SLC36A1: variants seen among roughly 807,000 people sequenced by gnomAD.
The protein encoded by SLC36A1 is solute carrier family 36 member 1.
SLC36A1 carries 30 observed loss-of-function variants against 47.5 expected under a neutral mutation model. The observed-to-expected ratio is 0.63, with a 90% CI of 0.47 to 0.86. The LOEUF is 0.86. SLC36A1 is among the 40% of genes least tolerant of loss of function. The probability of loss-of-function intolerance (pLI) is 0.00; values close to 1 mark genes in which losing one functional copy is unlikely to be tolerated. For missense variants in SLC36A1, 517 were observed against 606.0 expected, an observed-to-expected ratio of 0.85 and a Z score of 1.54; for synonymous variants, 255 against 249.7, an observed-to-expected ratio of 1.02 and a Z score of -0.20.
chr5:151,545,561 C>A, the SLC36A1 span: 4 of 1,613,964 alleles, frequency 2.5e-6, no homozygotes, highest in East Asian at 6.7e-5. Flanking sequence ...ATGACTTGGG[C>A]AGGTCTGGGT....
chr5:151,383,612 G>A, the SLC36A1 span, among the ~76,000 whole-genome samples: 37 of 132,200 alleles, frequency 2.8e-4, no homozygotes, highest in African/African-American at 5.5e-4. Flanking sequence ...TCGCTCTGTC[G>A]CCCAGACTGG....
At chr5:151,526,344 AGCCAATT>A in the SLC36A1 span, among the ~76,000 whole-genome samples, 1 of 152,258 alleles carries the variant, frequency 6.6e-6, no homozygotes, top group Non-Finnish European at 1.5e-5. Context: ...CGATTTGCAA[AGCCAATT>A]GAACACTTAT....
the SLC36A1 span, among the ~76,000 whole-genome samples, chr5:151,351,054 G>A: frequency 1.3e-5 from 2 of 152,166 alleles, no homozygotes; most frequent in African/African-American, 4.8e-5. Context: ...ACTAATGAGT[G>A]TGTCTTTAGG....
chr5:151,364,601 A>G, the SLC36A1 span, among the ~76,000 whole-genome samples: 2 of 152,218 alleles, frequency 1.3e-5, no homozygotes, highest in Non-Finnish European at 1.5e-5. Flanking sequence ...CTCTCACTTC[A>G]GATTAGGCAA....
At chr5:151,542,946 C>T in the SLC36A1 span, 1 of 1,614,202 alleles carries the variant, frequency 6.2e-7, no homozygotes, top group Non-Finnish European at 8.5e-7. Flanking sequence ...TAGTGCCCCG[C>T]ACTAGACTGT....
the SLC36A1 span, among the ~76,000 whole-genome samples, chr5:151,416,850 A>T: frequency 6.6e-6 from 1 of 152,230 alleles, no homozygotes; most frequent in African/African-American, 2.4e-5. Context: ...GACCAGGTGC[A>T]GGTAATTGAA....
chr5:151,413,774 A>G, the SLC36A1 span, among the ~76,000 whole-genome samples: 1 of 152,150 alleles, frequency 6.6e-6, no homozygotes, highest in South Asian at 2.1e-4. Flanking sequence ...AAAATAAACA[A>G]GAGTTTAAAA....
the SLC36A1 span, chr5:151,347,289 G>A: frequency 6.2e-7 from 1 of 1,614,128 alleles, no homozygotes; most frequent in Non-Finnish European, 8.5e-7. Context: ...GCAGAAAACA[G>A]CACTCACGTT....
intron 1 of SLC36A1, among the ~76,000 whole-genome samples, chr5:151,440,188 G>A (rs891715272): frequency 2.0e-5 from 3 of 152,108 alleles, no homozygotes; most frequent in South Asian, 2.1e-4. Context: ...AACACTCACC[G>A]CAGCTAGGGA....
chr5:151,361,965 A>G, the SLC36A1 span, among the ~76,000 whole-genome samples: 1 of 151,812 alleles, frequency 6.6e-6, no homozygotes. Context: ...TCCTTTATAC[A>G]TTGTTTGCTT....
the SLC36A1 span, among the ~76,000 whole-genome samples, chr5:151,377,558 A>T: frequency 2.0e-5 from 3 of 151,604 alleles, no homozygotes; most frequent in African/African-American, 7.3e-5. Flanking sequence ...CGTGTTAGCC[A>T]GGATGGTCTC....
intron 10 of SLC36A1, among the ~76,000 whole-genome samples, chr5:151,486,098 G>A (rs896782411): frequency 6.6e-6 from 1 of 152,194 alleles, no homozygotes; most frequent in Non-Finnish European, 1.5e-5. Flanking sequence ...TCATGGCTCT[G>A]CAGGCTGTAC....
At chr5:151,475,076 A>C (rs1757863092) in intron 8 of SLC36A1, among the ~76,000 whole-genome samples, 1 of 152,164 alleles carries the variant, frequency 6.6e-6, no homozygotes, top group Non-Finnish European at 1.5e-5. Flanking sequence ...CCTGTGCTCT[A>C]TCTTAGGGCT....
chr5:151,418,840 G>A, the SLC36A1 span, among the ~76,000 whole-genome samples: 1 of 152,214 alleles, frequency 6.6e-6, no homozygotes, highest in South Asian at 2.1e-4. Flanking sequence ...GAATGATATG[G>A]TTAGGCTTTG....
intron 7 of SLC36A1, 106 bp downstream of exon 7, chr5:151,468,031 G>T: frequency 1.1e-6 from 1 of 901,994 alleles, no homozygotes. Flanking sequence ...GGGGGCGGGT[G>T]GATCACCTGA....
chr5:151,527,432 G>A, the SLC36A1 span: 2 of 1,490,484 alleles, frequency 1.3e-6, no homozygotes, highest in Non-Finnish European at 1.8e-6. Context: ...CCTCACTTCT[G>A]CCCCCTGAGT....
the SLC36A1 span, chr5:151,554,438 G>T: frequency 6.2e-7 from 1 of 1,614,196 alleles, no homozygotes; most frequent in Non-Finnish European, 8.5e-7. Context: ...GATACTGAAG[G>T]CCTCCTCATC....
chr5:151,463,558 T>G lies in SLC36A1; in HGVS notation c.149T>G (p.Phe50Cys). 3 of 1,613,740 alleles carry G rather than the reference T, an allele frequency of 1.9e-6. No individual in the cohort carries two copies. Among genetic ancestry groups the G allele is most frequent in the Non-Finnish European group, 2.5e-6 (3 of 1,179,604 alleles). The change falls in exon 3 of 11, where the codon TTC becomes TGC. Residue 50 changes from phenylalanine to cysteine, a missense_variant. Transcript: ENST00000243389. Reference sequence around the variant, plus strand: ...TTGGCTGTCTTCCACTTCAGATGGTTCCAGACCTTGATCCACCTGTTAAAA... The same window carrying G: ...TTGGCTGTCTTCCACTTCAGATGGTGCCAGACCTTGATCCACCTGTTAAAA... Reference protein sequence around the residue: ...RFGQSNSTTWFQTLIHLLKGN... With the variant: ...RFGQSNSTTWCQTLIHLLKGN...
intron 7 of SLC36A1, 76 bp downstream of exon 7, chr5:151,468,001 A>C: frequency 1.6e-6 from 2 of 1,268,778 alleles, no homozygotes; most frequent in Non-Finnish European, 2.2e-6. Context: ...CATGCCTGTA[A>C]TCCCAGCACT....
Sources: allele counts gnomAD v4.1 joint callset (sites outside exome capture counted in the v4.1 genomes callset), GRCh38; gene constraint gnomAD v4.1.1; transcripts MANE v1.5; gene names NCBI Gene and HGNC (gene_info 2026-07-23, HGNC 2026-07-21).